ATP8A1: variants seen among roughly 807,000 people sequenced by gnomAD.
ATP8A1 encodes the protein phospholipid-transporting ATPase IA.
Under a neutral mutation model 177.7 loss-of-function variants are expected in ATP8A1, and 90 were observed. The observed-to-expected ratio is 0.51, with a 90% CI of 0.43 to 0.60. The LOEUF (loss-of-function observed/expected upper bound fraction) is 0.60, where lower values mean the gene tolerates loss of function less well. Among genes scored for constraint, ATP8A1 ranks in the 20% least tolerant of loss-of-function variants. ATP8A1 has a pLI of 0.00. For synonymous variants in ATP8A1, 493 were observed against 485.9 expected (o/e 1.01, Z -0.19); for missense variants, 1,072 against 1,392.8 (o/e 0.77, Z 3.67).
intron 16 of ATP8A1, among the ~76,000 whole-genome samples, chr4:42,553,902 G>T (rs1234101728): frequency 2.0e-5 from 3 of 152,092 alleles, no homozygotes; most frequent in African/African-American, 7.2e-5. Context: ...TGAAGTTTTA[G>T]CCTCATGAAG....
In ATP8A1 at chr4:42,605,573, A is replaced by G. The variant is rs141351493; in HGVS notation, c.410-5055T>C. On this transcript the variant is annotated intron_variant, in intron 5 of 36. Coordinates refer to ENST00000381668, the MANE Select transcript of ATP8A1 (RefSeq NM_006095.2). The stretch of plus-strand genomic sequence containing the variant: ...TGGAAGCCAGTGGCACTTACATGGA[A>G]AACCGCCTCCAAATCTGCTGCACTT... Among the ~76,000 whole-genome samples the G allele has an allele frequency of 1.8e-4, 28 of 152,310 alleles. No homozygotes were observed. The East Asian group carries it at 5.2e-3, about 28-fold the overall frequency.
intron 2 of ATP8A1, chr4:42,625,915 ATT>A (rs56082708): frequency 2.0e-3 from 632 of 309,102 alleles, no homozygotes; most frequent in Middle Eastern, 2.8e-3. Flanking sequence ...AATACCACAG[ATT>A]TTTTTTTTTT....
At chr4:42,513,598 T>C (rs995580031) in intron 22 of ATP8A1, among the ~76,000 whole-genome samples, 1 of 151,970 alleles carries the variant, frequency 6.6e-6, no homozygotes, top group African/African-American at 2.4e-5. Context: ...AAAAGACACA[T>C]AATGTTTGAG....
At chr4:42,630,376 T>A (rs1215690434) in intron 1 of ATP8A1, among the ~76,000 whole-genome samples, 1 of 152,208 alleles carries the variant, frequency 6.6e-6, no homozygotes, top group African/African-American at 2.4e-5. Context: ...TAGTAGCTTT[T>A]AATCCACCTG....
intron 25 of ATP8A1, among the ~76,000 whole-genome samples, chr4:42,466,158 C>CAATACT (rs1181856838): frequency 1.3e-5 from 2 of 151,024 alleles, no homozygotes; most frequent in African/African-American, 4.9e-5. Flanking sequence ...AGGAAAACTA[C>CAATACT]ACAATAAATT....
intron 1 of ATP8A1, among the ~76,000 whole-genome samples, chr4:42,633,068 C>T (rs1316659964): frequency 6.6e-6 from 1 of 152,200 alleles, no homozygotes; most frequent in African/African-American, 2.4e-5. Context: ...CAGTTGCCTT[C>T]CTTAATCTGC....
intron 2 of ATP8A1, chr4:42,626,756 ATAT>A: frequency 1.9e-6 from 1 of 520,866 alleles, no homozygotes. Flanking sequence ...TCATTATTCA[ATAT>A]CTATGCAGCA....
chr4:42,606,251 C>A (rs757667148), intron 5 of ATP8A1, among the ~76,000 whole-genome samples: 2 of 152,186 alleles, frequency 1.3e-5, no homozygotes, highest in Non-Finnish European at 2.9e-5. Context: ...TATGGTACAG[C>A]AGGAAAATGA....
intron 5 of ATP8A1, among the ~76,000 whole-genome samples, chr4:42,609,895 C>T (rs920064906): frequency 1.1e-4 from 16 of 152,068 alleles, no homozygotes; most frequent in African/African-American, 3.1e-4. Context: ...CAAAAGACTC[C>T]GAAAAATGAC....
chr4:42,519,942 T>C (rs1725939728), intron 22 of ATP8A1, among the ~76,000 whole-genome samples: 1 of 152,198 alleles, frequency 6.6e-6, no homozygotes, highest in Non-Finnish European at 1.5e-5. Flanking sequence ...TATATGTGTA[T>C]ACACACACTC....
intron 9 of ATP8A1, among the ~76,000 whole-genome samples, chr4:42,584,037 C>T (rs1291201336): frequency 6.6e-6 from 1 of 152,212 alleles, no homozygotes; most frequent in East Asian, 1.9e-4. Context: ...TCACGGATTA[C>T]AGGAAAGCTT....
chr4:42,481,198 T>C (rs887870500), intron 25 of ATP8A1, among the ~76,000 whole-genome samples: 5 of 152,138 alleles, frequency 3.3e-5, no homozygotes, highest in African/African-American at 7.2e-5. Context: ...ATCCCAGCAG[T>C]AGAAAGACTG....
chr4:42,509,974 G>A (rs191791009), intron 22 of ATP8A1, among the ~76,000 whole-genome samples: 2 of 152,030 alleles, frequency 1.3e-5, no homozygotes, highest in East Asian at 3.9e-4. Flanking sequence ...ATTAAGAGAA[G>A]TGTAAATGCA....
intron 19 of ATP8A1, among the ~76,000 whole-genome samples, chr4:42,546,200 T>C (rs2153208098): frequency 6.6e-6 from 1 of 151,988 alleles, no homozygotes; most frequent in Non-Finnish European, 1.5e-5. Flanking sequence ...TCTCCTTCTG[T>C]AAGGATCCTG....
chr4:42,585,224 C>G (rs560010062), intron 9 of ATP8A1, among the ~76,000 whole-genome samples: 1 of 152,076 alleles, frequency 6.6e-6, no homozygotes, highest in African/African-American at 2.4e-5. Context: ...AAAGTTGTTC[C>G]CTTCCAAAGA....
intron 20 of ATP8A1, among the ~76,000 whole-genome samples, chr4:42,529,269 G>A (rs1727012665): frequency 6.6e-6 from 1 of 152,186 alleles, no homozygotes; most frequent in Non-Finnish European, 1.5e-5. Flanking sequence ...GAATCACAGT[G>A]GAGGCATCTA....
intron 5 of ATP8A1, among the ~76,000 whole-genome samples, chr4:42,609,963 T>C (rs1223272242): frequency 6.6e-6 from 1 of 152,154 alleles, no homozygotes; most frequent in Non-Finnish European, 1.5e-5. Flanking sequence ...TTCTATGCCC[T>C]GGCCAAAACA....
chr4:42,431,723 T>G (rs895304261), intron 33 of ATP8A1, among the ~76,000 whole-genome samples: 1 of 152,156 alleles, frequency 6.6e-6, no homozygotes, highest in Non-Finnish European at 1.5e-5. Context: ...GTAGCATAAC[T>G]CTTCAGAGAT....
chr4:42,536,660 C>T (rs569587085), intron 20 of ATP8A1, among the ~76,000 whole-genome samples: 5 of 152,122 alleles, frequency 3.3e-5, no homozygotes, highest in East Asian at 1.9e-4. Context: ...AACTACAGAC[C>T]GATATCCCTG....
Sources: gnomAD v4.1 joint callset for allele counts (sites outside exome capture counted in the v4.1 genomes callset) on GRCh38, gnomAD v4.1.1 for gene constraint, MANE v1.5 for transcripts, NCBI Gene and HGNC (gene_info 2026-07-23, HGNC 2026-07-21) for gene names.